The following YPEL1 variants were observed in gnomAD, a reference collection of about 807,000 sequenced individuals.
The protein encoded by YPEL1 is protein yippee-like 1.
In YPEL1, 7 loss-of-function variants were observed where a neutral mutation model predicts 17.3. That is an observed-to-expected ratio of 0.40 (90% CI 0.23 to 0.76). The LOEUF is 0.76. Among genes scored for constraint, YPEL1 ranks in the 30% least tolerant of loss-of-function variants. The probability of loss-of-function intolerance (pLI) is 0.35; values close to 1 mark genes in which losing one functional copy is unlikely to be tolerated. For missense variants in YPEL1, 91 were observed against 155.5 expected, an observed-to-expected ratio of 0.59 and a Z score of 2.21; for synonymous variants, 59 against 59.6, an observed-to-expected ratio of 0.99 and a Z score of 0.05.
chr22:21,735,367 A>G (rs918380522), intron 1 of YPEL1, among the ~76,000 whole-genome samples: 1 of 149,788 alleles, frequency 6.7e-6, no homozygotes, highest in Admixed American at 6.6e-5. Context: ...ACAGCGGGGG[A>G]GGTGGAGAGA....
chr22:21,714,228 G>A (rs17821327), intron 1 of YPEL1, among the ~76,000 whole-genome samples: 18,228 of 152,226 alleles, frequency 0.12, 1,426 homozygotes, highest in Non-Finnish European at 0.17. Context: ...TCGTGTGAAC[G>A]GAAGACACAA....
Position 21,735,758 on chromosome 22 carries a change from C to T in YPEL1, c.-308G>A, listed in dbSNP as rs1042932095. The T allele has an allele frequency of 2.0e-5, 3 of 150,814 alleles. No individual in the cohort carries two copies. Among genetic ancestry groups the T allele is most frequent in the African/African-American group, 7.3e-5 (3 of 41,270 alleles). 9.3% of individuals were successfully genotyped at this position (150,814 alleles called of 1,614,324 possible). ...CCTAGGCAGGGCGCGAGGCATCCTCCCGCCGCCGCCCCGCGGGCCGCCTGC... is the reference window on the plus strand; with the variant it reads ...CCTAGGCAGGGCGCGAGGCATCCTCTCGCCGCCGCCCCGCGGGCCGCCTGC... On this transcript the variant is annotated 5_prime_UTR_variant, in exon 1 of 5. Coordinates refer to ENST00000339468, the MANE Select transcript of YPEL1 (RefSeq NM_013313.5).
At chr22:21,731,206 C>T (rs1048538990) in intron 1 of YPEL1, among the ~76,000 whole-genome samples, 4 of 151,586 alleles carry the variant, frequency 2.6e-5, no homozygotes, top group African/African-American at 4.8e-5. Context: ...GGCGAAAACC[C>T]GTCTCTAAAA....
At position 21,698,345 on chromosome 22, in the gene YPEL1, C is replaced by T. The variant is rs1025216962; in HGVS notation, c.*2784G>A. 3.3e-5 allele frequency: 5 copies of T among 150,240 alleles called. No individual in the cohort carries two copies. Among genetic ancestry groups the T allele is most frequent in the African/African-American group, 9.8e-5 (4 of 40,898 alleles). The allele number at this position is 150,240 out of a possible 1,614,324, so 9.3% of individuals were successfully genotyped here. ...CCGTCACAAAAGACAGTACAAAAAC[C>T]AAAGTGCCCAAATAGAAGGAGCAGC... On this transcript the variant is annotated 3_prime_UTR_variant, in exon 5 of 5. Transcript: ENST00000339468.
intron 1 of YPEL1, among the ~76,000 whole-genome samples, chr22:21,725,851 T>C (rs1172707951): frequency 7.7e-6 from 1 of 129,198 alleles, no homozygotes; most frequent in African/African-American, 3.0e-5. Flanking sequence ...AAAAAAAAAA[T>C]AGCCGGGCAC....
intron 1 of YPEL1, among the ~76,000 whole-genome samples, chr22:21,729,673 A>T (rs1253032715): frequency 1.3e-5 from 2 of 152,214 alleles, no homozygotes; most frequent in Non-Finnish European, 2.9e-5. Flanking sequence ...TGATCCAGCC[A>T]TTTGGCAACA....
In YPEL1 at chr22:21,718,420, G is replaced by A. The variant is rs575824528; in HGVS notation, c.-164-7512C>T. ...GTGGAGCTTGCAGTGAGCTGAGATCGCACCACTGCACTCCAGCCTGGGCAA... is the reference window on the plus strand; with the variant it reads ...GTGGAGCTTGCAGTGAGCTGAGATCACACCACTGCACTCCAGCCTGGGCAA... On this transcript the variant is annotated intron_variant, in intron 1 of 4. Coordinates refer to ENST00000339468, the MANE Select transcript of YPEL1 (RefSeq NM_013313.5). 2.7e-3 allele frequency among the ~76,000 whole-genome samples: 415 copies of A among 151,704 alleles called. 1 individual carries two copies. The highest frequency in any genetic ancestry group is 4.6e-3 in the Non-Finnish European group (315 of 67,916).
At chr22:21,732,515 C>T (rs541448398) in intron 1 of YPEL1, among the ~76,000 whole-genome samples, 18 of 152,352 alleles carry the variant, frequency 1.2e-4, no homozygotes, top group Middle Eastern at 3.4e-3. Context: ...GGCGCGGTGG[C>T]TCACGCCTGT....
At chr22:21,719,613 G>A (rs1601636366) in intron 1 of YPEL1, among the ~76,000 whole-genome samples, 1 of 152,150 alleles carries the variant, frequency 6.6e-6, no homozygotes, top group Admixed American at 6.5e-5. Context: ...AGCCAGGGGC[G>A]GTGACTTATG....
intron 4 of YPEL1, among the ~76,000 whole-genome samples, chr22:21,702,298 C>A (rs2068073886): frequency 6.6e-6 from 1 of 152,098 alleles, no homozygotes; most frequent in Non-Finnish European, 1.5e-5. Context: ...GGAAGTGGGG[C>A]CCACAGATGG....
chr22:21,710,944 G>C, intron 1 of YPEL1, 36 bp from the exon 2 acceptor site: 1 of 604,976 alleles, frequency 1.7e-6, no homozygotes, highest in Non-Finnish European at 3.0e-6. Flanking sequence ...GGGTTACAGA[G>C]AGAACATGCG....
In YPEL1 at chr22:21,707,253, T is replaced by C. The variant is rs1453678656; in HGVS notation, c.118-3371A>G. Among the ~76,000 whole-genome samples, 5 of 152,014 alleles carry C rather than the reference T, an allele frequency of 3.3e-5. 1 individual carries two copies. The highest frequency in any genetic ancestry group is 1.2e-4 in the African/African-American group (5 of 41,396). ...GACAACATGGTGAAACCCCCTCTAC[T>C]AAAAATACAAAAAATTAGCCTGGTG... is the stretch of plus-strand genomic sequence containing the variant. On this transcript the variant is annotated intron_variant, in intron 2 of 4. Coordinates refer to ENST00000339468, the MANE Select transcript of YPEL1 (RefSeq NM_013313.5).
chr22:21,699,304 G>A lies in YPEL1; in HGVS notation c.*1825C>T, dbSNP rs1191779603. The A allele has an allele frequency of 2.0e-5, 3 of 152,500 alleles. No individual in the cohort carries two copies. Among genetic ancestry groups the A allele is most frequent in the Non-Finnish European group, 4.4e-5 (3 of 68,110 alleles). 9.4% of individuals were successfully genotyped at this position (152,500 alleles called of 1,614,324 possible). A position where few individuals can be genotyped will look rare whatever the true frequency, so the allele number is the denominator to read the frequency against. On this transcript the variant is annotated 3_prime_UTR_variant, in exon 5 of 5. Transcript: ENST00000339468. Reference sequence around the variant, plus strand: ...CCACTTGCCAGGCTGAGAACTATCCGGGCTCAGTGCTCTCCTATCTGCTGC... The same window carrying A: ...CCACTTGCCAGGCTGAGAACTATCCAGGCTCAGTGCTCTCCTATCTGCTGC...
intron 1 of YPEL1, among the ~76,000 whole-genome samples, chr22:21,725,915 C>G (rs1213374421): frequency 2.0e-5 from 3 of 151,978 alleles, no homozygotes; most frequent in Non-Finnish European, 4.4e-5. Context: ...TGGAGGATTG[C>G]TTAAGCCGGG....
chr22:21,731,222 T>C (rs777321665), intron 1 of YPEL1, among the ~76,000 whole-genome samples: 3 of 151,216 alleles, frequency 2.0e-5, no homozygotes, highest in Non-Finnish European at 4.4e-5. Context: ...TAAAAAAAAA[T>C]TTAAAAATTA....
At chr22:21,704,804 T>A (rs1387860388) in intron 2 of YPEL1, among the ~76,000 whole-genome samples, 2 of 151,820 alleles carry the variant, frequency 1.3e-5, no homozygotes, top group African/African-American at 4.8e-5. Context: ...TGGCTGAGCG[T>A]GAAAGAGCCA....
chr22:21,734,249 T>A (rs1345403291), intron 1 of YPEL1, among the ~76,000 whole-genome samples: 1 of 152,164 alleles, frequency 6.6e-6, no homozygotes, highest in Non-Finnish European at 1.5e-5. Context: ...AATGGCTTTA[T>A]AAATTACAGT....
intron 1 of YPEL1, among the ~76,000 whole-genome samples, chr22:21,713,747 ATTATT>A (rs1279712433): frequency 1.3e-5 from 2 of 152,170 alleles, no homozygotes; most frequent in African/African-American, 4.8e-5. Context: ...ACTGACTACA[ATTATT>A]TTAAAGAAGA....
intron 1 of YPEL1, among the ~76,000 whole-genome samples, chr22:21,726,334 G>C (rs1259806076): frequency 6.6e-6 from 1 of 152,228 alleles, no homozygotes; most frequent in Non-Finnish European, 1.5e-5. Context: ...CCAAAGACAG[G>C]CGTTTGCCCT....
Sources: allele counts gnomAD v4.1 joint callset (sites outside exome capture counted in the v4.1 genomes callset), GRCh38; gene constraint gnomAD v4.1.1; transcripts MANE v1.5; gene names NCBI Gene and HGNC (gene_info 2026-07-23, HGNC 2026-07-21).